PXDNL: variants seen among roughly 807,000 people sequenced by gnomAD.
PXDNL encodes the protein peroxidasin like.
In PXDNL, 145 loss-of-function variants were observed where a neutral mutation model predicts 150.8. That is an observed-to-expected ratio of 0.96 (90% CI 0.84 to 1.10). PXDNL has a LOEUF of 1.10. Ranked by LOEUF, PXDNL falls within the 50% of genes least tolerant of loss-of-function variation. The pLI, the probability that PXDNL is intolerant of heterozygous loss-of-function variation, is 0.00. For synonymous variants in PXDNL, 757 were observed against 725.7 expected (o/e 1.04, Z -0.69); for missense variants, 2,087 against 1,873.9 (o/e 1.11, Z -2.10).
rs1312848376 is a variant in PXDNL, at chr8:51,578,148, GAAAGAA to G, written c.308+14473_308+14478del. On this transcript the variant is annotated intron_variant, in intron 3 of 22. Transcript: ENST00000356297. ...AAAGAAAGAAAGAGTGAGAGAGAGA[GAAAGAA>G]AGAGAAAGAAAGAAGGAAAGAAAGA... Among the ~76,000 whole-genome samples, 100 of 77,240 alleles carry G rather than the reference GAAAGAA, an allele frequency of 1.3e-3. 7 individuals carry two copies. The African/African-American group carries it at 0.015, about 11-fold the overall frequency. 50.7% of individuals were successfully genotyped at this position (77,240 alleles called of 152,430 possible). A position where few individuals can be genotyped will look rare whatever the true frequency, so the allele number is the denominator to read the frequency against.
At chr8:51,599,213 A>AT (rs1813639891) in intron 2 of PXDNL, among the ~76,000 whole-genome samples, 1 of 151,466 alleles carries the variant, frequency 6.6e-6, no homozygotes, top group African/African-American at 2.4e-5. Context: ...CTTTGTATGG[A>AT]TTTTGGGTCT....
rs994223988 is a variant in PXDNL, at chr8:51,800,706, A to G, written c.164+8475T>C. ...ATTTCTTATGCCTGTCTTTACTGCA[A>G]TCTCTGAACATAAATTGTGAAGATT... On this transcript the variant is annotated intron_variant, in intron 1 of 22. Coordinates refer to ENST00000356297, the MANE Select transcript of PXDNL (RefSeq NM_144651.5). Among the ~76,000 whole-genome samples, 8 of 152,324 alleles carry G rather than the reference A, an allele frequency of 5.3e-5. No individual in the cohort carries two copies. In the East Asian group the frequency reaches 1.2e-3, roughly 22 times the overall value.
At chr8:51,420,855 A>T (rs1808931374) in intron 14 of PXDNL, among the ~76,000 whole-genome samples, 1 of 151,980 alleles carries the variant, frequency 6.6e-6, no homozygotes, top group African/African-American at 2.4e-5. Flanking sequence ...TGTCTAGTTA[A>T]TTTTTTGTAT....
At chr8:51,359,874 G>A (rs1023641451) in intron 19 of PXDNL, among the ~76,000 whole-genome samples, 2 of 152,114 alleles carry the variant, frequency 1.3e-5, no homozygotes, top group African/African-American at 4.8e-5. Flanking sequence ...AGGAACACTG[G>A]CAAAGAATGG....
intron 19 of PXDNL, 38 bp downstream of exon 19, chr8:51,371,835 A>G: frequency 1.3e-6 from 2 of 1,514,014 alleles, no homozygotes; most frequent in Non-Finnish European, 1.8e-6. Flanking sequence ...GAGAACATGC[A>G]CATCAATCCA....
chr8:51,738,969 A>C (rs1006671302), intron 1 of PXDNL, among the ~76,000 whole-genome samples: 6 of 152,172 alleles, frequency 3.9e-5, no homozygotes, highest in African/African-American at 1.4e-4. Context: ...ATCTCTCATG[A>C]ACATAGGCAG....
chr8:51,507,465 C>T (rs1474782126), intron 4 of PXDNL, among the ~76,000 whole-genome samples: 1 of 152,178 alleles, frequency 6.6e-6, no homozygotes, highest in Non-Finnish European at 1.5e-5. Flanking sequence ...CAAAGATGGA[C>T]TTGGGCAGGA....
chr8:51,455,139 AAGGGAAAGTAT>A (rs1262101973), intron 9 of PXDNL, among the ~76,000 whole-genome samples: 17 of 148,784 alleles, frequency 1.1e-4, no homozygotes, highest in African/African-American at 3.7e-4. Context: ...AAAAAGAGGT[AAGGGAAAGTAT>A]AGGGAAAGTT....
At chr8:51,441,494 A>G (rs561043557) in intron 12 of PXDNL, among the ~76,000 whole-genome samples, 19 of 152,300 alleles carry the variant, frequency 1.2e-4, no homozygotes, top group African/African-American at 3.8e-4. Flanking sequence ...GCAGCAGAGA[A>G]CTAGAAAGCA....
chr8:51,321,110 TA>T, intron 21 of PXDNL: 1 of 444,406 alleles, frequency 2.3e-6, no homozygotes, highest in Non-Finnish European at 3.9e-6. Flanking sequence ...CTGTAGGTGT[TA>T]AAAAATATTG....
intron 3 of PXDNL, among the ~76,000 whole-genome samples, chr8:51,574,296 G>A (rs867202838): frequency 7.2e-5 from 11 of 151,986 alleles, no homozygotes; most frequent in African/African-American, 2.2e-4. Context: ...GTATGGGTCA[G>A]TGGCAGGATG....
chr8:51,775,989 G>GTC (rs2037348734), intron 1 of PXDNL, among the ~76,000 whole-genome samples: 1 of 152,138 alleles, frequency 6.6e-6, no homozygotes, highest in African/African-American at 2.4e-5. Flanking sequence ...CCAAGGGGAG[G>GTC]TCTCTAAAAT....
chr8:51,773,176 A>G (rs2037316781), intron 1 of PXDNL, among the ~76,000 whole-genome samples: 1 of 152,248 alleles, frequency 6.6e-6, no homozygotes, highest in South Asian at 2.1e-4. Flanking sequence ...CTCTATGTCA[A>G]ACGCCATGCT....
chr8:51,386,834 A>G (rs1383722126), intron 17 of PXDNL, among the ~76,000 whole-genome samples: 1 of 151,996 alleles, frequency 6.6e-6, no homozygotes, highest in Non-Finnish European at 1.5e-5. Flanking sequence ...GAAAAAAAAA[A>G]AAAGAAAGAG....
intron 17 of PXDNL, among the ~76,000 whole-genome samples, chr8:51,390,319 TTC>T (rs1807853999): frequency 6.6e-6 from 1 of 152,160 alleles, no homozygotes; most frequent in Admixed American, 6.6e-5. Context: ...TTCAGTAAGT[TTC>T]CTGTGGCAAC....
Position 51,705,841 on chromosome 8 carries a change from G to A in PXDNL, c.165-51081C>T, listed in dbSNP as rs56298938. ...TGTGTGTGTGTGTGTGTGCGCGCGC[G>A]CGCGCGCGCGCGTGCATGCACATGT... On this transcript the variant is annotated intron_variant, in intron 1 of 22. Transcript: ENST00000356297. 4.7e-3 allele frequency among the ~76,000 whole-genome samples: 264 copies of A among 56,490 alleles called. 1 individual carries two copies. The highest frequency in any genetic ancestry group is 0.018 in the African/African-American group (223 of 12,216). 37.1% of individuals were successfully genotyped at this position (56,490 alleles called of 152,430 possible).
chr8:51,330,698 C>G (rs1377775566), intron 21 of PXDNL, among the ~76,000 whole-genome samples: 1 of 152,108 alleles, frequency 6.6e-6, no homozygotes, highest in Non-Finnish European at 1.5e-5. Flanking sequence ...GGAAAAGACA[C>G]AATTTAGTCC....
rs751633657 is a variant in PXDNL at position 51,472,300 on chromosome 8, G to T, written c.699C>A (p.Ser233Arg). Residue 233 changes from serine to arginine, a missense_variant, in exon 8 of 23, where the codon AGC becomes AGA. Transcript: ENST00000356297. ...SVTVEEFNCQSPRITFEPQDV... is the reference protein window; with the variant it reads ...SVTVEEFNCQRPRITFEPQDV... ...CCTGCGGCTCAAAAGTAATTCGGGG[G>T]CTCTCTGCAACAAAAGAATTATTGA... is the stretch of plus-strand genomic sequence containing the variant. The T allele has an allele frequency of 4.3e-6, 7 of 1,609,302 alleles. No individual in the cohort carries two copies. The highest frequency in any genetic ancestry group is 3.3e-5 in the South Asian group (3 of 90,792).
rs557779225 is a variant in PXDNL at position 51,501,396 on chromosome 8, ACT to A, written c.381-1628_381-1627del. 1.0e-3 allele frequency among the ~76,000 whole-genome samples: 157 copies of A among 151,438 alleles called. 2 individuals are homozygous for A. Among genetic ancestry groups the A allele is most frequent in the East Asian group, 1.4e-3 (7 of 5,168 alleles). ...CACTCTGACACACCTACATGAACAC[ACT>A]CTCACATGCTCAGACTCCCTCATAC... is the stretch of plus-strand genomic sequence containing the variant. On this transcript the variant is annotated intron_variant, in intron 4 of 22. Coordinates refer to ENST00000356297, the MANE Select transcript of PXDNL (RefSeq NM_144651.5).
Sources: gnomAD v4.1 joint callset for allele counts (sites outside exome capture counted in the v4.1 genomes callset) on GRCh38, gnomAD v4.1.1 for gene constraint, MANE v1.5 for transcripts, NCBI Gene and HGNC (gene_info 2026-07-23, HGNC 2026-07-21) for gene names.